PEPD: variants seen among roughly 807,000 people sequenced by gnomAD.
The protein encoded by PEPD is peptidase D.
Under a neutral mutation model 60.7 loss-of-function variants are expected in PEPD, and 53 were observed. The ratio of observed to expected loss-of-function variants is 0.87; its 90% CI spans 0.70 to 1.10. PEPD has a LOEUF of 1.10. PEPD is among the 50% of genes least tolerant of loss of function. The probability of loss-of-function intolerance (pLI) is 0.00; values close to 1 mark genes in which losing one functional copy is unlikely to be tolerated. For synonymous variants in PEPD, 267 were observed against 284.1 expected, an observed-to-expected ratio of 0.94 and a Z score of 0.60; for missense variants, 711 against 711.9, an observed-to-expected ratio of 1.00 and a Z score of 0.01.
At chr19:33,387,668 G>A (rs1968108058) in intron 14 of PEPD, 187 bp from the exon 15 acceptor site, 1 of 835,076 alleles carries the variant, frequency 1.2e-6, no homozygotes, top group Non-Finnish European at 2.0e-6. Context: ...GTCTTTGCCA[G>A]GTGGATGGGA....
intron 9 of PEPD, among the ~76,000 whole-genome samples, chr19:33,449,781 G>A (rs1243591569): frequency 6.6e-6 from 1 of 152,150 alleles, no homozygotes; most frequent in Non-Finnish European, 1.5e-5. Flanking sequence ...GCATGGCTCC[G>A]ATCCCAGCGG....
chr19:33,449,647 G>A (rs188307108), intron 9 of PEPD, among the ~76,000 whole-genome samples: 147 of 152,290 alleles, frequency 9.7e-4, no homozygotes, highest in African/African-American at 3.5e-3. Flanking sequence ...GACCTAGTAC[G>A]TGAGGAGGAG....
chr19:33,512,922 T>A (rs1287744028), intron 1 of PEPD, 146 bp from the exon 2 acceptor site: 2 of 833,528 alleles, frequency 2.4e-6, no homozygotes, highest in Non-Finnish European at 2.0e-6. Flanking sequence ...TCCACCTACT[T>A]ATGACCCAGA....
intron 9 of PEPD, among the ~76,000 whole-genome samples, chr19:33,423,369 T>G (rs2145383867): frequency 6.6e-6 from 1 of 152,370 alleles, no homozygotes; most frequent in East Asian, 1.9e-4. Flanking sequence ...CGCATGGCCT[T>G]GTGCCTCTTC....
At chr19:33,412,208 T>C (rs1307499461) in intron 10 of PEPD, among the ~76,000 whole-genome samples, 1 of 152,040 alleles carries the variant, frequency 6.6e-6, no homozygotes, top group Non-Finnish European at 1.5e-5. Flanking sequence ...TTAGCTGGGT[T>C]AGGTGGCTCA....
At chr19:33,394,795 T>G (rs1968324382) in intron 12 of PEPD, among the ~76,000 whole-genome samples, 1 of 152,112 alleles carries the variant, frequency 6.6e-6, no homozygotes, top group African/African-American at 2.4e-5. Flanking sequence ...ACACTGAGAA[T>G]CACACAGCAG....
chr19:33,474,411 T>C (rs1209937416), intron 7 of PEPD, among the ~76,000 whole-genome samples: 1 of 152,272 alleles, frequency 6.6e-6, no homozygotes, highest in Non-Finnish European at 1.5e-5. Context: ...CAGTGACATG[T>C]GTTAAGTGCT....
intron 9 of PEPD, among the ~76,000 whole-genome samples, chr19:33,444,965 G>A (rs554809708): frequency 5.3e-5 from 8 of 152,304 alleles, no homozygotes; most frequent in African/African-American, 1.7e-4. Context: ...TGTCCAGGCT[G>A]AGGCCAGCCC....
chr19:33,481,090 C>A lies in PEPD; in HGVS notation c.504-3000G>T, dbSNP rs149914439. On this transcript the variant is annotated intron_variant, in intron 6 of 14. Transcript: ENST00000244137. ...ATATGTAGAAATTAAACAGTAGACTCCTAAATAACCAATGGATCACGTATC... is the reference window on the plus strand; with the variant it reads ...ATATGTAGAAATTAAACAGTAGACTACTAAATAACCAATGGATCACGTATC... Among the ~76,000 whole-genome samples, 1,222 of 152,032 alleles carry A rather than the reference C, an allele frequency of 8.0e-3. 17 individuals carry two copies. Among genetic ancestry groups the A allele is most frequent in the African/African-American group, 0.027 (1,126 of 41,436 alleles).
rs1568442758 is a variant in PEPD at position 33,387,993 on chromosome 19, C to A, written c.1241G>T (p.Gly414Val). 6.3e-7 allele frequency: 1 copy of A among 1,583,726 alleles called. No individual in the cohort carries two copies. Among genetic ancestry groups the A allele is most frequent in the Non-Finnish European group, 8.6e-7 (1 of 1,165,410 alleles). ...CAGGAGGTGGTCGATGAAGTAGATG[C>A]CCGGCTCCACGGTGAGCACCATGCC... The part of the protein sequence containing the change: ...QPGMVLTVEP[G>V]IYFIDHLLDE... The change falls in exon 14 of 15, where the codon GGC (glycine) becomes GTC (valine). Residue 414 changes from glycine (G) to valine (V), a missense_variant. Transcript: ENST00000244137.
intron 4 of PEPD, among the ~76,000 whole-genome samples, chr19:33,498,128 C>T (rs553518399): frequency 3.3e-5 from 5 of 152,104 alleles, no homozygotes; most frequent in Middle Eastern, 6.8e-3. Context: ...CCACGTGGGC[C>T]GCCCCAGCAT....
intron 3 of PEPD, among the ~76,000 whole-genome samples, chr19:33,510,257 G>A (rs973777389): frequency 6.6e-6 from 1 of 152,232 alleles, no homozygotes; most frequent in African/African-American, 2.4e-5. Context: ...TAGAGAAAAC[G>A]ACATGGACAC....
chr19:33,476,738 A>G (rs1231366397), intron 7 of PEPD, among the ~76,000 whole-genome samples: 2 of 152,030 alleles, frequency 1.3e-5, no homozygotes, highest in Non-Finnish European at 2.9e-5. Context: ...ATCTCAGCTC[A>G]CTGCAACCTC....
intron 2 of PEPD, 198 bp from the exon 3 acceptor site, chr19:33,511,353 A>C (rs1243004202): frequency 5.0e-6 from 3 of 596,868 alleles, no homozygotes; most frequent in Non-Finnish European, 6.2e-6. Context: ...GCAGCCTGGC[A>C]GCTCCTCTAC....
intron 10 of PEPD, among the ~76,000 whole-genome samples, chr19:33,413,070 C>T (rs554800041): frequency 5.9e-5 from 9 of 152,374 alleles, no homozygotes; most frequent in Admixed American, 4.6e-4. Flanking sequence ...CCATGTGCCA[C>T]GAGCAGGCAC....
At chr19:33,449,731 C>T (rs938032880) in intron 9 of PEPD, among the ~76,000 whole-genome samples, 1 of 141,908 alleles carries the variant, frequency 7.0e-6, no homozygotes, top group Non-Finnish European at 1.5e-5. Context: ...TAGACTATCG[C>T]AGGTGCTCAC....
intron 4 of PEPD, among the ~76,000 whole-genome samples, chr19:33,500,027 C>T (rs1473659611): frequency 6.6e-6 from 1 of 152,258 alleles, no homozygotes; most frequent in Non-Finnish European, 1.5e-5. Flanking sequence ...TGGCCACTTC[C>T]ACACTGCAGC....
At chr19:33,505,621 GAC>G (rs1264328508) in intron 3 of PEPD, among the ~76,000 whole-genome samples, 1 of 151,838 alleles carries the variant, frequency 6.6e-6, no homozygotes, top group East Asian at 1.9e-4. Context: ...CGATCCTGGG[GAC>G]ACTTAGTGGG....
intron 6 of PEPD, among the ~76,000 whole-genome samples, chr19:33,485,000 T>C (rs916273318): frequency 1.3e-5 from 2 of 152,126 alleles, no homozygotes; most frequent in Non-Finnish European, 2.9e-5. Flanking sequence ...AAGCAGAGTG[T>C]AATTTCCTGA....
Sources: allele counts gnomAD v4.1 joint callset (sites outside exome capture counted in the v4.1 genomes callset), GRCh38; gene constraint gnomAD v4.1.1; transcripts MANE v1.5; gene names NCBI Gene and HGNC (gene_info 2026-07-23, HGNC 2026-07-21).